Variants in PPP6R2 observed in about 807,000 individuals in gnomAD.
The protein encoded by PPP6R2 is protein phosphatase 6 regulatory subunit 2, also known as serine/threonine-protein phosphatase 6 regulatory subunit 2.
A neutral mutation model predicts 100.2 loss-of-function variants in PPP6R2; 62 were observed. That is an observed-to-expected ratio of 0.62 (90% CI 0.50 to 0.76). PPP6R2 has a LOEUF of 0.76. Ranked by LOEUF, PPP6R2 falls within the 30% of genes least tolerant of loss-of-function variation. The probability of loss-of-function intolerance (pLI) is 0.00; values close to 1 mark genes in which losing one functional copy is unlikely to be tolerated. For missense variants in PPP6R2, 1,142 were observed against 1,276.3 expected (o/e 0.89, Z 1.60); for synonymous variants, 525 against 514.7 (o/e 1.02, Z -0.27).
At chr22:50,409,184 C>A (rs1401932691) in intron 4 of PPP6R2, among the ~76,000 whole-genome samples, 2 of 152,158 alleles carry the variant, frequency 1.3e-5, no homozygotes, top group African/African-American at 4.8e-5. Flanking sequence ...TCCTGTGTTT[C>A]CTGAAACTGT....
intron 1 of PPP6R2, among the ~76,000 whole-genome samples, chr22:50,358,032 G>C (rs2046985484): frequency 6.6e-6 from 1 of 151,722 alleles, no homozygotes; most frequent in East Asian, 1.9e-4. Flanking sequence ...GCTCACTGCG[G>C]CTTTGACCTT....
chr22:50,396,666 C>T (rs190838697), intron 3 of PPP6R2, among the ~76,000 whole-genome samples: 39 of 152,266 alleles, frequency 2.6e-4, no homozygotes, highest in East Asian at 1.9e-3. Flanking sequence ...TCCTCCCTGG[C>T]CATTTATAGA....
the PPP6R2 span, among the ~76,000 whole-genome samples, chr22:50,338,285 T>TTGTGGTGTGTAGTGTGTGGTGTGTG: frequency 0.18 from 19,813 of 107,592 alleles, 2,488 homozygotes; most frequent in African/African-American, 0.4. Flanking sequence ...TGTGGTGTGT[T>TTGTGGTGTGTAGTGTGTGGTGTGTG]TGTGGTGTGT....
At chr22:50,436,793 G>A (rs1485323808) in intron 14 of PPP6R2, among the ~76,000 whole-genome samples, 195 bp from the exon 15 acceptor site, 4 of 152,206 alleles carry the variant, frequency 2.6e-5, no homozygotes, top group East Asian at 1.9e-4. Context: ...CATGGAGGTC[G>A]GGCTGTCACG....
intron 1 of PPP6R2, among the ~76,000 whole-genome samples, chr22:50,366,635 G>T (rs916257102): frequency 2.0e-5 from 3 of 152,090 alleles, no homozygotes; most frequent in Non-Finnish European, 4.4e-5. Flanking sequence ...GCTTTCCCTG[G>T]CTTGAATACC....
At position 50,438,232 on chromosome 22, in the gene PPP6R2, A is replaced by G. The variant is rs2064821984; in HGVS notation, c.1898A>G (p.Asp633Gly). 1 of 1,613,780 alleles carries G rather than the reference A, an allele frequency of 6.2e-7. No homozygotes were observed. The highest frequency in any genetic ancestry group is 1.7e-5 in the Admixed American group (1 of 59,986). ...CSDRIQPFDDDEDEDIWEDSD... is the reference protein window; with the variant it reads ...CSDRIQPFDDGEDEDIWEDSD... ...GACCGCATCCAGCCCTTTGATGATG[A>G]TGAGGACGAGGACATCTGGGAGGAC... Residue 633 changes from aspartate to glycine, a missense_variant, in exon 18 of 24, where the codon GAT becomes GGT. By Grantham distance (94) the Asp-to-Gly change is moderately conservative. Transcript: ENST00000612753.
Position 50,437,487 on chromosome 22 carries a change from C to CA in PPP6R2, c.1684-19_1684-18insA. 1 of 809,648 alleles carries CA rather than the reference C, an allele frequency of 1.2e-6. No homozygotes were observed. Among genetic ancestry groups the CA allele is most frequent in the Non-Finnish European group, 2.2e-6 (1 of 454,140 alleles). The allele number at this position is 809,648 out of a possible 1,614,324, so 50.2% of individuals were successfully genotyped here. A position where few individuals can be genotyped will look rare whatever the true frequency, so the allele number is the denominator to read the frequency against. On this transcript the variant is annotated intron_variant, in intron 15 of 23. Transcript: ENST00000612753. ...ATGACCGGTGTCTGTCCGTCCCTCC[C>CA]TCCCTCCCTCCCTCCCAGGCCTTCT... is the stretch of plus-strand genomic sequence containing the variant.
Position 50,437,873 on chromosome 22 carries a change from C to T in PPP6R2, c.1812C>T (p.Asn604=). The change falls in exon 17 of 24, where the codon AAC becomes AAT. Residue 604 remains asparagine, a synonymous_variant. Coordinates refer to ENST00000612753, the MANE Select transcript of PPP6R2 (RefSeq NM_001242898.2). ...NAPFDRIAEI[N]FNIDADEDSP... ...CGTTTGACAGGATCGCAGAGATCAA[C>T]TTCAACATCGACGCTGACGAGGACA... The T allele has an allele frequency of 6.4e-7, 1 of 1,554,622 alleles. No homozygotes were observed.
intron 16 of PPP6R2, 93 bp downstream of exon 16, chr22:50,437,696 G>A (rs991970410): frequency 1.4e-6 from 2 of 1,406,490 alleles, no homozygotes; most frequent in African/African-American, 2.8e-5. Context: ...TGCCGGGAGT[G>A]CCGTCTGATG....
intron 15 of PPP6R2, 110 bp downstream of exon 15, chr22:50,437,178 G>C: frequency 8.9e-7 from 1 of 1,127,832 alleles, no homozygotes; most frequent in Non-Finnish European, 1.3e-6. Flanking sequence ...AAAGGGGAGC[G>C]GGGGCTCGTC....
Position 50,440,847 on chromosome 22 carries a change from G to C in PPP6R2, c.2400G>C (p.Trp800Cys). Reference protein sequence around the residue: ...KAFSPASPCAWNVCVTRKAPL... With the variant: ...KAFSPASPCACNVCVTRKAPL... Reference sequence around the variant, plus strand: ...TCAGCCCGGCTTCTCCATGTGCCTGGAACGTGTGTGTCACCAGGAAGGCCC... The same window carrying C: ...TCAGCCCGGCTTCTCCATGTGCCTGCAACGTGTGTGTCACCAGGAAGGCCC... The change falls in exon 22 of 24, where the codon TGG becomes TGC. Residue 800 changes from tryptophan (W) to cysteine (C), a missense_variant. Physicochemically the swap from Trp to Cys is radical, Grantham distance 215. Transcript: ENST00000612753. 1 of 1,613,746 alleles carries C rather than the reference G, an allele frequency of 6.2e-7. No homozygotes were observed. Among genetic ancestry groups the C allele is most frequent in the Non-Finnish European group, 8.5e-7 (1 of 1,180,002 alleles).
At chr22:50,354,393 C>T (rs1312954519) in intron 1 of PPP6R2, among the ~76,000 whole-genome samples, 1 of 152,138 alleles carries the variant, frequency 6.6e-6, no homozygotes, top group African/African-American at 2.4e-5. Flanking sequence ...GTTGAGCTTC[C>T]CCAATAAGGA....
At chr22:50,332,671 T>C in the PPP6R2 span, among the ~76,000 whole-genome samples, 4 of 150,364 alleles carry the variant, frequency 2.7e-5, no homozygotes. Context: ...GTCACCAGGC[T>C]GAAGTGCAAT....
At chr22:50,398,166 CTT>C (rs1203401826) in intron 3 of PPP6R2, among the ~76,000 whole-genome samples, 23 of 131,164 alleles carry the variant, frequency 1.8e-4, no homozygotes, top group Non-Finnish European at 1.3e-4. Context: ...GACTCCATCT[CTT>C]TTTTTTTTTT....
At chr22:50,422,979 AGT>A (rs2061534032) in intron 9 of PPP6R2, among the ~76,000 whole-genome samples, 1 of 152,104 alleles carries the variant, frequency 6.6e-6, no homozygotes, top group African/African-American at 2.4e-5. Flanking sequence ...CAGTAGGCTG[AGT>A]GTGGGGGATC....
chr22:50,380,368 TG>T (rs1315496288), intron 2 of PPP6R2, among the ~76,000 whole-genome samples: 1 of 146,442 alleles, frequency 6.8e-6, no homozygotes, highest in Admixed American at 6.9e-5. Context: ...CCACGCCTGA[TG>T]TTTTTTTTTT....
intron 1 of PPP6R2, among the ~76,000 whole-genome samples, chr22:50,353,624 C>T (rs2045803640): frequency 6.6e-6 from 1 of 152,102 alleles, no homozygotes; most frequent in Admixed American, 6.6e-5. Flanking sequence ...CCTCGACGTG[C>T]TTGACGCAAG....
rs201987983 is a variant in PPP6R2, at chr22:50,438,338, A to G, written c.1964+40A>G. 50 of 1,591,080 alleles carry G rather than the reference A, an allele frequency of 3.1e-5. No homozygotes were observed. The African/African-American group carries it at 6.2e-4, about 20-fold the overall frequency. ...CATCCCCACAAAGCCTCTGCCGAGG[A>G]GGTTCAGCCCCCAGAACACCTGTCA... On this transcript the variant is annotated intron_variant, in intron 18 of 23. Coordinates refer to ENST00000612753, the MANE Select transcript of PPP6R2 (RefSeq NM_001242898.2).
intron 1 of PPP6R2, among the ~76,000 whole-genome samples, chr22:50,355,814 C>T (rs2148206016): frequency 6.6e-6 from 1 of 151,392 alleles, no homozygotes; most frequent in Non-Finnish European, 1.5e-5. Context: ...AGCCACTGCG[C>T]CTGGCACAGC....
Sources: gnomAD v4.1 joint callset for allele counts (sites outside exome capture counted in the v4.1 genomes callset) on GRCh38, gnomAD v4.1.1 for gene constraint, MANE v1.5 for transcripts, NCBI Gene and HGNC (gene_info 2026-07-23, HGNC 2026-07-21) for gene names.